DRD3: variants seen among roughly 807,000 people sequenced by gnomAD.
DRD3 encodes the protein dopamine receptor D3.
Under a neutral mutation model 36.3 loss-of-function variants are expected in DRD3, and 19 were observed. The ratio of observed to expected loss-of-function variants is 0.52; its 90% CI spans 0.36 to 0.77. The LOEUF is 0.77. DRD3 is among the 30% of genes least tolerant of loss of function. The pLI, the probability that DRD3 is intolerant of heterozygous loss-of-function variation, is 0.00. For missense variants in DRD3, 465 were observed against 505.3 expected (o/e 0.92, Z 0.77); for synonymous variants, 195 against 203.7 (o/e 0.96, Z 0.36).
In DRD3 at chr3:114,168,291, G is replaced by A. The variant is rs191562131; in HGVS notation, c.270+3432C>T. Among the ~76,000 whole-genome samples the A allele has an allele frequency of 1.8e-3, 270 of 152,254 alleles. 2 individuals carry two copies. Among genetic ancestry groups the A allele is most frequent in the African/African-American group, 6.2e-3 (257 of 41,552 alleles). On this transcript the variant is annotated intron_variant, in intron 2 of 6. Coordinates refer to ENST00000383673, the MANE Select transcript of DRD3 (RefSeq NM_000796.6). ...TTAAATCCATGTCTTCTGACTCCAA[G>A]TTCTGAGTCTTTTTCTCACAGCATG...
chr3:114,153,270 T>C (rs1332889116), intron 3 of DRD3, among the ~76,000 whole-genome samples: 1 of 152,196 alleles, frequency 6.6e-6, no homozygotes, highest in Non-Finnish European at 1.5e-5. Flanking sequence ...TAAACCTTTT[T>C]TTTTTTTAAG....
At chr3:114,174,611 C>A (rs2077880085) in intron 1 of DRD3, among the ~76,000 whole-genome samples, 1 of 152,182 alleles carries the variant, frequency 6.6e-6, no homozygotes, top group African/African-American at 2.4e-5. Context: ...TCCTTTATAG[C>A]AGCAGGTGGG....
chr3:114,190,441 T>C (rs1489802575), intron 1 of DRD3, among the ~76,000 whole-genome samples: 1 of 11,486 alleles, frequency 8.7e-5, no homozygotes, highest in Non-Finnish European at 1.6e-4. Flanking sequence ...TATATATATA[T>C]ATATATATAT....
At chr3:114,162,379 A>T in intron 2 of DRD3, among the ~76,000 whole-genome samples, 1 of 152,202 alleles carries the variant, frequency 6.6e-6, no homozygotes, top group East Asian at 1.9e-4. Flanking sequence ...CATTTACTTG[A>T]TAGGGGATGG....
intron 5 of DRD3, among the ~76,000 whole-genome samples, chr3:114,132,881 A>G (rs1037167319): frequency 7.2e-5 from 11 of 152,276 alleles, no homozygotes; most frequent in African/African-American, 1.7e-4. Flanking sequence ...AATAATTTAC[A>G]AGACAATTGG....
intron 3 of DRD3, among the ~76,000 whole-genome samples, chr3:114,155,200 A>T (rs2077654194): frequency 2.0e-5 from 3 of 152,186 alleles, no homozygotes; most frequent in African/African-American, 4.8e-5. Flanking sequence ...ATTTTTAATG[A>T]ATTGACCAGC....
At chr3:114,143,364 A>C (rs950006163) in intron 4 of DRD3, among the ~76,000 whole-genome samples, 10 of 152,222 alleles carry the variant, frequency 6.6e-5, no homozygotes, top group African/African-American at 2.4e-4. Context: ...GATGATGATG[A>C]AGAGTCATCT....
chr3:114,190,151 G>A (rs1321624842), intron 1 of DRD3, among the ~76,000 whole-genome samples: 1 of 151,558 alleles, frequency 6.6e-6, no homozygotes, highest in African/African-American at 2.4e-5. Flanking sequence ...AAACTCTAGG[G>A]GAGCAACTAA....
intron 1 of DRD3, among the ~76,000 whole-genome samples, chr3:114,196,354 A>C (rs1351046334): frequency 6.6e-6 from 1 of 152,064 alleles, no homozygotes; most frequent in Non-Finnish European, 1.5e-5. Context: ...TCACTCTGTC[A>C]CCCAGGCTGG....
chr3:114,171,918 C>T lies in DRD3; in HGVS notation c.75G>A (p.Gln25=). ...GGGCATAGTAGGCATGTGGGCGGGC[C>T]TGGCTGGCACCTGTGGAGTTCTCTG... ...CGAENSTGAS[Q]ARPHAYYALS... The change falls in exon 2 of 7, where the codon CAG becomes CAA. Residue 25 remains glutamine (Q), a synonymous_variant. Transcript: ENST00000383673. 2 of 1,605,410 alleles carry T rather than the reference C, an allele frequency of 1.2e-6. No homozygotes were observed. The highest frequency in any genetic ancestry group is 3.3e-4 in the Middle Eastern group (2 of 6,028).
chr3:114,158,129 G>T (rs536750027), intron 3 of DRD3, among the ~76,000 whole-genome samples: 8 of 151,698 alleles, frequency 5.3e-5, no homozygotes, highest in African/African-American at 1.7e-4. Flanking sequence ...AAAAAAGAGG[G>T]GTCCAGATGC....
chr3:114,136,819 A>G (rs2077478733), intron 5 of DRD3, among the ~76,000 whole-genome samples: 1 of 152,176 alleles, frequency 6.6e-6, no homozygotes, highest in South Asian at 2.1e-4. Context: ...GCCTGGCTTG[A>G]ATTGGAAGAA....
intron 1 of DRD3, among the ~76,000 whole-genome samples, chr3:114,186,152 A>G (rs1468476167): frequency 6.6e-6 from 1 of 152,094 alleles, no homozygotes; most frequent in Non-Finnish European, 1.5e-5. Flanking sequence ...ATTGTTTTTT[A>G]ATGTCCTAGT....
At chr3:114,190,410 T>TAA (rs2077998044) in intron 1 of DRD3, among the ~76,000 whole-genome samples, 4 of 58,142 alleles carry the variant, frequency 6.9e-5, no homozygotes, top group Admixed American at 3.1e-4. Flanking sequence ...GGAAAAAGGA[T>TAA]AATATATATA....
chr3:114,196,153 A>T (rs769785584), intron 1 of DRD3, among the ~76,000 whole-genome samples: 1 of 152,246 alleles, frequency 6.6e-6, no homozygotes, highest in East Asian at 1.9e-4. Context: ...TTTCCTATTC[A>T]TGTTGTTTGT....
rs2077427506 is a variant in DRD3, at chr3:114,131,241, T to C, written c.883A>G (p.Ser295Gly). 1 of 1,614,206 alleles carries C rather than the reference T, an allele frequency of 6.2e-7. No homozygotes were observed. The highest frequency in any genetic ancestry group is 8.5e-7 in the Non-Finnish European group (1 of 1,180,020). The change falls in exon 6 of 7, where the codon AGC (serine) becomes GGC (glycine). Residue 295 changes from serine to glycine, a missense_variant. Coordinates refer to ENST00000383673, the MANE Select transcript of DRD3 (RefSeq NM_000796.6). ...TTGCTGAGTTTTCGAACTTCTAAGC[T>C]GAGCTTGGGCGCTATGGTGGGACTC... ...SLSPTIAPKLSLEVRKLSNGR... is the reference protein window; with the variant it reads ...SLSPTIAPKLGLEVRKLSNGR...
At chr3:114,173,655 A>G (rs753056362) in intron 1 of DRD3, among the ~76,000 whole-genome samples, 5 of 152,212 alleles carry the variant, frequency 3.3e-5, no homozygotes, top group Admixed American at 6.5e-5. Flanking sequence ...CTTCTCCTGT[A>G]TGATCACATT....
chr3:114,167,178 C>A (rs2077793968), intron 2 of DRD3, among the ~76,000 whole-genome samples: 1 of 152,166 alleles, frequency 6.6e-6, no homozygotes, highest in Non-Finnish European at 1.5e-5. Flanking sequence ...GCTTGACTAC[C>A]TTTCTTAATC....
chr3:114,131,909 A>G (rs1352554141), intron 5 of DRD3, among the ~76,000 whole-genome samples: 1 of 152,178 alleles, frequency 6.6e-6, no homozygotes, highest in Non-Finnish European at 1.5e-5. Context: ...AGTCTGGAAA[A>G]CAACAGATGT....
Sources: gnomAD v4.1 joint callset for allele counts (sites outside exome capture counted in the v4.1 genomes callset) on GRCh38, gnomAD v4.1.1 for gene constraint, MANE v1.5 for transcripts, NCBI Gene and HGNC (gene_info 2026-07-23, HGNC 2026-07-21) for gene names.